GPC5: variants seen among roughly 807,000 people sequenced by gnomAD.
GPC5 encodes the protein glypican 5.
A neutral mutation model predicts 53.9 loss-of-function variants in GPC5; 47 were observed. That is an observed-to-expected ratio of 0.87 (90% CI 0.69 to 1.11). GPC5 has a LOEUF of 1.11. GPC5 is among the 50% of genes most tolerant of loss of function. The pLI is 0.00. For synonymous variants in GPC5, 286 were observed against 263.3 expected, an observed-to-expected ratio of 1.09 and a Z score of -0.84; for missense variants, 748 against 713.1, an observed-to-expected ratio of 1.05 and a Z score of -0.56.
chr13:92,626,720 T>C (rs1885058306), intron 7 of GPC5, among the ~76,000 whole-genome samples: 1 of 152,182 alleles, frequency 6.6e-6, no homozygotes, highest in African/African-American at 2.4e-5. Flanking sequence ...TATACTAATA[T>C]ACATGTGTAA....
chr13:92,530,698 T>C (rs544151004), intron 7 of GPC5, among the ~76,000 whole-genome samples: 126 of 152,272 alleles, frequency 8.3e-4, no homozygotes, highest in African/African-American at 3.0e-3. Context: ...GAGTTCTTTA[T>C]TTTTCCTATG....
chr13:92,361,333 A>G (rs1447135525), intron 7 of GPC5, among the ~76,000 whole-genome samples: 1 of 151,650 alleles, frequency 6.6e-6, no homozygotes, highest in South Asian at 2.1e-4. Flanking sequence ...TATCTGATCA[A>G]TTCTATTGCT....
intron 6 of GPC5, among the ~76,000 whole-genome samples, chr13:92,085,602 C>T (rs1316596734): frequency 6.6e-6 from 1 of 152,074 alleles, no homozygotes; most frequent in Non-Finnish European, 1.5e-5. Flanking sequence ...CACTTTATTT[C>T]TATTATTATT....
intron 2 of GPC5, among the ~76,000 whole-genome samples, chr13:91,606,870 C>T (rs9669946): frequency 0.022 from 3,267 of 151,448 alleles, 114 homozygotes; most frequent in African/African-American, 0.074. Context: ...GTCTTGCTAG[C>T]GGTCTATCAA....
chr13:92,357,923 C>G (rs1272063942), intron 7 of GPC5, among the ~76,000 whole-genome samples: 7 of 151,416 alleles, frequency 4.6e-5, no homozygotes, highest in Non-Finnish European at 7.4e-5. Flanking sequence ...TGGCCCCTAC[C>G]AAATCTCATG....
At chr13:92,391,899 G>A (rs1417306901) in intron 7 of GPC5, among the ~76,000 whole-genome samples, 1 of 152,168 alleles carries the variant, frequency 6.6e-6, no homozygotes, top group Non-Finnish European at 1.5e-5. Context: ...CAGATGGCAG[G>A]AATGGCTGGA....
At chr13:92,434,639 A>G (rs1424226884) in intron 7 of GPC5, among the ~76,000 whole-genome samples, 1 of 152,204 alleles carries the variant, frequency 6.6e-6, no homozygotes, top group Admixed American at 6.5e-5. Context: ...TATACAGGTT[A>G]AAGAAATATC....
At chr13:91,482,907 ATT>A (rs1192719617) in intron 2 of GPC5, among the ~76,000 whole-genome samples, 2 of 151,634 alleles carry the variant, frequency 1.3e-5, no homozygotes, top group Non-Finnish European at 2.9e-5. Context: ...AGCTCTATAA[ATT>A]TACTTCTGTT....
chr13:92,043,131 A>G (rs2040954689), intron 6 of GPC5, among the ~76,000 whole-genome samples: 1 of 152,172 alleles, frequency 6.6e-6, no homozygotes, highest in Non-Finnish European at 1.5e-5. Flanking sequence ...GTGTGACAGA[A>G]CATTAATTAC....
chr13:92,447,928 C>T (rs924752867), intron 7 of GPC5: 1 of 152,048 alleles, frequency 6.6e-6, no homozygotes, highest in African/African-American at 2.4e-5. Context: ...TTCTTTTCTC[C>T]CAATTTGTTC....
chr13:91,549,289 A>T (rs916653791), intron 2 of GPC5, among the ~76,000 whole-genome samples: 2 of 150,566 alleles, frequency 1.3e-5, no homozygotes, highest in Non-Finnish European at 3.0e-5. Flanking sequence ...GGCAAAAACT[A>T]TGAAACTCAT....
intron 6 of GPC5, among the ~76,000 whole-genome samples, chr13:91,970,323 CA>C (rs1299026857): frequency 2.0e-5 from 3 of 151,702 alleles, no homozygotes; most frequent in Non-Finnish European, 4.4e-5. Context: ...CAAAAAGATA[CA>C]AACCCTCAGT....
At chr13:91,948,467 A>G (rs895272993) in intron 6 of GPC5, among the ~76,000 whole-genome samples, 3 of 152,058 alleles carry the variant, frequency 2.0e-5, no homozygotes, top group African/African-American at 7.2e-5. Context: ...ACATCAATGA[A>G]TTCTCTCTTA....
At position 92,081,865 on chromosome 13, in the gene GPC5, C is replaced by T. The variant is rs188079763; in HGVS notation, c.1402-62965C>T. On this transcript the variant is annotated intron_variant, in intron 6 of 7. Transcript: ENST00000377067. ...TAAATGTCTCAGGAAGTATATAATG[C>T]GTATATTGTGTTACAAATTAATTTA... 9.9e-5 allele frequency among the ~76,000 whole-genome samples: 15 copies of T among 152,022 alleles called. No homozygotes were observed. In the East Asian group the frequency reaches 1.4e-3, roughly 14 times the overall value.
intron 5 of GPC5, among the ~76,000 whole-genome samples, chr13:91,838,022 T>G (rs552448929): frequency 7.2e-5 from 11 of 152,064 alleles, no homozygotes; most frequent in African/African-American, 2.7e-4. Flanking sequence ...TCTGAATAGA[T>G]AGAATGCATT....
intron 7 of GPC5, among the ~76,000 whole-genome samples, chr13:92,722,410 A>C (rs139230086): frequency 0.011 from 1,729 of 152,042 alleles, 21 homozygotes; most frequent in Non-Finnish European, 0.014. Context: ...TTGGTAATCC[A>C]ATAAAATATA....
rs879898280 is a variant in GPC5, at chr13:92,117,793, T to C, written c.1402-27037T>C. Among the ~76,000 whole-genome samples, 16 of 152,324 alleles carry C rather than the reference T, an allele frequency of 1.1e-4. No homozygotes were observed. The East Asian group carries it at 2.9e-3, about 28-fold the overall frequency. On this transcript the variant is annotated intron_variant, in intron 6 of 7. Transcript: ENST00000377067. Reference sequence around the variant, plus strand: ...CGTTCTTTGGTAATATATAGAAATATTGAGTTTGTATACAACCACCTTACT... The same window carrying C: ...CGTTCTTTGGTAATATATAGAAATACTGAGTTTGTATACAACCACCTTACT...
intron 7 of GPC5, among the ~76,000 whole-genome samples, chr13:92,239,566 C>A (rs555933155): frequency 6.6e-6 from 1 of 151,828 alleles, no homozygotes; most frequent in Non-Finnish European, 1.5e-5. Context: ...TAAATTTGTC[C>A]TTGAAATTAG....
intron 7 of GPC5, among the ~76,000 whole-genome samples, chr13:92,640,352 C>A (rs969718565): frequency 1.3e-5 from 2 of 151,932 alleles, no homozygotes; most frequent in Non-Finnish European, 2.9e-5. Flanking sequence ...CTCCACCTCC[C>A]GGGTTCACGC....
Sources: gnomAD v4.1 joint callset for allele counts (sites outside exome capture counted in the v4.1 genomes callset) on GRCh38, gnomAD v4.1.1 for gene constraint, MANE v1.5 for transcripts, NCBI Gene and HGNC (gene_info 2026-07-23, HGNC 2026-07-21) for gene names.